The following YEATS4 variants were observed in gnomAD, a reference collection of about 807,000 sequenced individuals.
YEATS4 encodes YEATS domain containing 4.
YEATS4 carries 17 observed loss-of-function variants against 30.1 expected under a neutral mutation model. The ratio of observed to expected loss-of-function variants is 0.56; its 90% confidence interval spans 0.39 to 0.85. YEATS4 has a LOEUF of 0.85. Among genes scored for constraint, YEATS4 ranks in the 40% least tolerant of loss-of-function variants. YEATS4 has a pLI of 0.00. For synonymous variants in YEATS4, 85 were observed against 87.5 expected, an observed-to-expected ratio of 0.97 and a Z score of 0.16; for missense variants, 142 against 268.3, an observed-to-expected ratio of 0.53 and a Z score of 3.29.
intron 1 of YEATS4, among the ~76,000 whole-genome samples, chr12:69,360,387 T>A (rs1431949287): frequency 6.6e-6 from 1 of 152,120 alleles, no homozygotes; most frequent in Non-Finnish European, 1.5e-5. Flanking sequence ...ACCCTCCTGG[T>A]GTGAGGATAA....
At position 69,359,923 on chromosome 12, in the gene YEATS4, C is replaced by A; in HGVS notation, c.-50C>A. 1.9e-6 allele frequency: 3 copies of A among 1,608,888 alleles called. No individual in the cohort carries two copies. Among genetic ancestry groups the A allele is most frequent in the Non-Finnish European group, 2.5e-6 (3 of 1,176,796 alleles). ...GTCTCTGAGGGGAGCGGCGACCCCG[C>A]CAGCCCCGGTCTCTTTCCCTGGCGG... is the stretch of plus-strand genomic sequence containing the variant. On this transcript the variant is annotated 5_prime_UTR_variant, in exon 1 of 7. Transcript: ENST00000247843.
intron 6 of YEATS4, among the ~76,000 whole-genome samples, chr12:69,383,937 A>G (rs1876175742): frequency 6.6e-6 from 1 of 152,196 alleles, no homozygotes; most frequent in African/African-American, 2.4e-5. Context: ...GGAGTGATGC[A>G]ATAAAAGAAG....
the YEATS4 span, among the ~76,000 whole-genome samples, chr12:69,404,642 C>T: frequency 2.6e-5 from 4 of 152,150 alleles, no homozygotes; most frequent in East Asian, 1.9e-4. Context: ...GAACCATGAG[C>T]GAAATATATG....
the YEATS4 span, among the ~76,000 whole-genome samples, chr12:69,426,764 G>T: frequency 6.6e-6 from 1 of 152,146 alleles, no homozygotes; most frequent in South Asian, 2.1e-4. Flanking sequence ...TATCTATGGG[G>T]GCATTTTGTG....
At chr12:69,406,736 C>T in the YEATS4 span, among the ~76,000 whole-genome samples, 1 of 152,142 alleles carries the variant, frequency 6.6e-6, no homozygotes, top group African/African-American at 2.4e-5. Flanking sequence ...ACAAGAACTG[C>T]ATATTAGTCC....
At chr12:69,375,904 G>A (rs989268575) in intron 6 of YEATS4, among the ~76,000 whole-genome samples, 3 of 152,096 alleles carry the variant, frequency 2.0e-5, no homozygotes, top group Admixed American at 1.3e-4. Context: ...GAGAGGGAGG[G>A]GGAGGGGGAG....
chr12:69,367,084 A>C (rs910126681), intron 4 of YEATS4, among the ~76,000 whole-genome samples: 1 of 152,212 alleles, frequency 6.6e-6, no homozygotes, highest in Non-Finnish European at 1.5e-5. Flanking sequence ...ATGAGAATCT[A>C]GTTTGGGCTT....
At chr12:69,369,066 A>G (rs1875544757) in intron 4 of YEATS4, among the ~76,000 whole-genome samples, 1 of 152,232 alleles carries the variant, frequency 6.6e-6, no homozygotes, top group Admixed American at 6.5e-5. Flanking sequence ...CATCTCAAAC[A>G]AAATATACCT....
Position 69,390,229 on chromosome 12 carries a change from G to C in YEATS4, c.597G>C (p.Glu199Asp). The change falls in exon 7 of 7, where the codon GAG becomes GAC. Residue 199 changes from glutamate (E) to aspartate (D), a missense_variant. By Grantham distance (45) the Glu-to-Asp change is conservative (BLOSUM62 2). Coordinates refer to ENST00000247843, the MANE Select transcript of YEATS4 (RefSeq NM_006530.4). ...GCTTTGAGATTGCAGAGCTTAAGGA[G>C]AGATTAAAAGCAAGTCGTGAAACTA... is the stretch of plus-strand genomic sequence containing the variant. The part of the protein sequence containing the change: ...KTSFEIAELK[E>D]RLKASRETIN... The C allele has an allele frequency of 6.2e-7, 1 of 1,603,190 alleles. No homozygotes were observed. The highest frequency in any genetic ancestry group is 8.5e-7 in the Non-Finnish European group (1 of 1,177,418).
intron 4 of YEATS4, 73 bp from the exon 5 acceptor site, chr12:69,370,633 A>C: frequency 8.3e-7 from 1 of 1,211,896 alleles, no homozygotes; most frequent in Non-Finnish European, 1.1e-6. Context: ...TCTCTATTTC[A>C]GTTAAAAAAA....
intron 6 of YEATS4, among the ~76,000 whole-genome samples, chr12:69,375,719 G>A (rs1029095311): frequency 1.3e-5 from 2 of 152,168 alleles, no homozygotes; most frequent in African/African-American, 2.4e-5. Flanking sequence ...CAGCCAACAC[G>A]GCGAAACCCC....
At chr12:69,371,517 C>CA (rs1241442999) in intron 6 of YEATS4, among the ~76,000 whole-genome samples, 6 of 152,348 alleles carry the variant, frequency 3.9e-5, no homozygotes, top group Non-Finnish European at 7.3e-5. Context: ...CATCTATTCT[C>CA]AGTCATTTGC....
downstream of YEATS4, among the ~76,000 whole-genome samples, chr12:69,392,469 C>T (rs969702878): frequency 6.6e-6 from 1 of 152,218 alleles, no homozygotes; most frequent in African/African-American, 2.4e-5. Flanking sequence ...AAAAAGGAAA[C>T]AATTCAAAAT....
At chr12:69,380,096 G>A (rs1592856382) in intron 6 of YEATS4, among the ~76,000 whole-genome samples, 1 of 152,192 alleles carries the variant, frequency 6.6e-6, no homozygotes, top group Non-Finnish European at 1.5e-5. Flanking sequence ...GGTCACTGAT[G>A]CCTTATTTAG....
At chr12:69,373,906 T>G (rs1875740411) in intron 6 of YEATS4, among the ~76,000 whole-genome samples, 1 of 152,228 alleles carries the variant, frequency 6.6e-6, no homozygotes, top group Non-Finnish European at 1.5e-5. Flanking sequence ...GTATATATTC[T>G]TGGCACCTTT....
At chr12:69,420,388 A>C in the YEATS4 span, among the ~76,000 whole-genome samples, 1 of 150,048 alleles carries the variant, frequency 6.7e-6, no homozygotes, top group African/African-American at 2.4e-5. Flanking sequence ...AATTAATTGA[A>C]AGGGACCTGG....
chr12:69,362,747 TG>T, intron 1 of YEATS4, 40 bp from the exon 2 acceptor site: 1 of 1,489,906 alleles, frequency 6.7e-7, no homozygotes, highest in Non-Finnish European at 9.1e-7. Context: ...ATTTAGCTAA[TG>T]GTACAATATT....
chr12:69,412,198 C>G, the YEATS4 span, among the ~76,000 whole-genome samples: 2 of 152,138 alleles, frequency 1.3e-5, no homozygotes, highest in African/African-American at 4.8e-5. Flanking sequence ...GCTGTGGCAA[C>G]CAACTTGCTC....
the YEATS4 span, among the ~76,000 whole-genome samples, chr12:69,421,301 CAATG>C: frequency 6.6e-6 from 1 of 152,150 alleles, no homozygotes; most frequent in South Asian, 2.1e-4. Context: ...AGAAGGTTAT[CAATG>C]AACATGAAGC....
Sources: allele counts gnomAD v4.1 joint callset (sites outside exome capture counted in the v4.1 genomes callset), GRCh38; gene constraint gnomAD v4.1.1; transcripts MANE v1.5; gene names NCBI Gene and HGNC (gene_info 2026-07-23, HGNC 2026-07-21).